ITGBL1: variants seen among roughly 807,000 people sequenced by gnomAD.
The protein encoded by ITGBL1 is integrin subunit beta like 1.
In ITGBL1, 51 loss-of-function variants were observed where a neutral mutation model predicts 68.5. The ratio of observed to expected loss-of-function variants is 0.74; its 90% CI spans 0.59 to 0.94. ITGBL1 has a LOEUF of 0.94. Ranked by LOEUF, ITGBL1 falls within the 40% of genes least tolerant of loss-of-function variation. ITGBL1 has a pLI of 0.00. For missense variants in ITGBL1, 649 were observed against 647.4 expected (o/e 1.00, Z -0.03); for synonymous variants, 209 against 227.3 (o/e 0.92, Z 0.72).
intron 7 of ITGBL1, among the ~76,000 whole-genome samples, chr13:101,665,219 A>G (rs1011413356): frequency 2.0e-5 from 3 of 152,280 alleles, no homozygotes; most frequent in Admixed American, 6.5e-5. Context: ...ATGTGGATGC[A>G]TTAAATCTAT....
At chr13:101,601,852 C>T (rs950048540) in intron 7 of ITGBL1, among the ~76,000 whole-genome samples, 4 of 152,134 alleles carry the variant, frequency 2.6e-5, no homozygotes, top group Admixed American at 2.6e-4. Flanking sequence ...TGCTTTACTT[C>T]CAAGTATGTG....
intron 7 of ITGBL1, among the ~76,000 whole-genome samples, chr13:101,611,347 TC>T (rs1179414566): frequency 6.6e-6 from 1 of 152,212 alleles, no homozygotes; most frequent in African/African-American, 2.4e-5. Flanking sequence ...TACTTTAACA[TC>T]CTTTCATGTG....
chr13:101,507,334 C>A (rs893554598), intron 2 of ITGBL1, among the ~76,000 whole-genome samples: 1 of 152,106 alleles, frequency 6.6e-6, no homozygotes, highest in Middle Eastern at 3.2e-3. Flanking sequence ...AATACTTCAA[C>A]AAATAGATGA....
At position 101,454,410 on chromosome 13, in the gene ITGBL1, C is replaced by G. The variant is rs865900945; in HGVS notation, c.316+310C>G. 2.4e-4 allele frequency among the ~76,000 whole-genome samples: 32 copies of G among 133,736 alleles called. No individual in the cohort carries two copies. In the East Asian group the frequency reaches 3.3e-3, roughly 14 times the overall value. 87.7% of individuals were successfully genotyped at this position (133,736 alleles called of 152,430 possible). On this transcript the variant is annotated intron_variant, in intron 2 of 10. Transcript: ENST00000376180. ...GTTGCCCTGGCTGGTCCCCCCCCCC[C>G]CCCCCAACTCCTGGAATCAAGCTAT...
intron 9 of ITGBL1, among the ~76,000 whole-genome samples, chr13:101,709,359 G>A (rs1214258508): frequency 1.0e-5 from 1 of 98,000 alleles, no homozygotes; most frequent in African/African-American, 4.5e-5. Flanking sequence ...GTGACAGAGC[G>A]AGACTCCGTC....
At chr13:101,696,132 G>A (rs1256466108) in intron 8 of ITGBL1, among the ~76,000 whole-genome samples, 1 of 152,062 alleles carries the variant, frequency 6.6e-6, no homozygotes, top group East Asian at 1.9e-4. Flanking sequence ...CCAATTATAT[G>A]AGTTCATCCT....
At chr13:101,575,136 G>T (rs1206531816) in intron 3 of ITGBL1, among the ~76,000 whole-genome samples, 1 of 152,016 alleles carries the variant, frequency 6.6e-6, no homozygotes, top group Admixed American at 6.6e-5. Flanking sequence ...TGCATTGGTT[G>T]GATGGCTATA....
At chr13:101,502,202 C>T (rs2048954253) in intron 2 of ITGBL1, among the ~76,000 whole-genome samples, 1 of 151,918 alleles carries the variant, frequency 6.6e-6, no homozygotes, top group Non-Finnish European at 1.5e-5. Context: ...TTTTATTTTC[C>T]AATTTAAAAC....
intron 9 of ITGBL1, among the ~76,000 whole-genome samples, chr13:101,708,017 A>G (rs1251462103): frequency 1.4e-5 from 2 of 139,928 alleles, no homozygotes; most frequent in Middle Eastern, 3.6e-3. Context: ...CCCATCCTAC[A>G]CACATGCAAA....
In ITGBL1 at chr13:101,715,603, T is replaced by C; in HGVS notation, c.1434T>C (p.Asp478=). 1 of 1,613,338 alleles carries C rather than the reference T, an allele frequency of 6.2e-7. No individual in the cohort carries two copies. The highest frequency in any genetic ancestry group is 8.5e-7 in the Non-Finnish European group (1 of 1,179,360). The change falls in exon 11 of 11, where the codon GAT becomes GAC. Residue 478 remains aspartate (D), a synonymous_variant. Coordinates refer to ENST00000376180, the MANE Select transcript of ITGBL1 (RefSeq NM_004791.3). ...ICSCGNCECW[D]GWNGNACEIW... Reference sequence around the variant, plus strand: ...GCTGTGGAAACTGTGAATGCTGGGATGGATGGAATGGAAATGCATGTGAAA... The same window carrying C: ...GCTGTGGAAACTGTGAATGCTGGGACGGATGGAATGGAAATGCATGTGAAA...
At chr13:101,476,548 A>T (rs1214350866) in intron 2 of ITGBL1, among the ~76,000 whole-genome samples, 1 of 152,136 alleles carries the variant, frequency 6.6e-6, no homozygotes, top group Non-Finnish European at 1.5e-5. Context: ...GGAGTGACTT[A>T]CTGGATTCAA....
intron 2 of ITGBL1, among the ~76,000 whole-genome samples, chr13:101,479,479 G>T (rs2048585235): frequency 2.0e-5 from 3 of 151,998 alleles, no homozygotes; most frequent in African/African-American, 7.2e-5. Context: ...AAGTGAAAAA[G>T]CTTCTGCACA....
At chr13:101,540,423 G>A (rs1005058550) in intron 2 of ITGBL1, among the ~76,000 whole-genome samples, 6 of 151,938 alleles carry the variant, frequency 3.9e-5, no homozygotes, top group African/African-American at 1.2e-4. Context: ...TCTCTGTTTT[G>A]GTACCAGTAC....
chr13:101,677,653 C>A (rs142359195), intron 7 of ITGBL1, among the ~76,000 whole-genome samples: 1,704 of 152,230 alleles, frequency 0.011, 39 homozygotes, highest in African/African-American at 0.039. Context: ...TGTATTCCCC[C>A]TTATGCTAAT....
chr13:101,569,405 G>T (rs2050237320), intron 3 of ITGBL1, among the ~76,000 whole-genome samples: 1 of 152,070 alleles, frequency 6.6e-6, no homozygotes, highest in Admixed American at 6.6e-5. Flanking sequence ...TGTTTCAGTA[G>T]ATGATAAAAC....
chr13:101,615,066 A>T (rs1265141920), intron 7 of ITGBL1, among the ~76,000 whole-genome samples: 1 of 152,120 alleles, frequency 6.6e-6, no homozygotes, highest in Non-Finnish European at 1.5e-5. Context: ...AAATGTCAGG[A>T]TCCCTCCCAA....
At chr13:101,565,319 T>C (rs982130470) in intron 2 of ITGBL1, among the ~76,000 whole-genome samples, 1 of 152,148 alleles carries the variant, frequency 6.6e-6, no homozygotes, top group African/African-American at 2.4e-5. Flanking sequence ...ATAGTCTGAA[T>C]ACTATTTTGT....
intron 6 of ITGBL1, among the ~76,000 whole-genome samples, chr13:101,594,795 G>T (rs928894379): frequency 2.6e-5 from 4 of 152,122 alleles, no homozygotes; most frequent in Admixed American, 2.6e-4. Flanking sequence ...TTTTGGGCCA[G>T]GCACATGGTG....
chr13:101,618,787 C>G (rs2031470761), intron 7 of ITGBL1, among the ~76,000 whole-genome samples: 1 of 152,058 alleles, frequency 6.6e-6, no homozygotes, highest in Non-Finnish European at 1.5e-5. Context: ...TTAGCATCGT[C>G]TAAGGTTATA....
Sources: gnomAD v4.1 joint callset for allele counts (sites outside exome capture counted in the v4.1 genomes callset) on GRCh38, gnomAD v4.1.1 for gene constraint, MANE v1.5 for transcripts, NCBI Gene and HGNC (gene_info 2026-07-23, HGNC 2026-07-21) for gene names.